PRKAR1A: variants seen among roughly 807,000 people sequenced by gnomAD.
PRKAR1A encodes cAMP-dependent protein kinase type I-alpha regulatory subunit.
Under a neutral mutation model 52.0 loss-of-function variants are expected in PRKAR1A, and 3 were observed. The observed-to-expected ratio is 0.06, with a 90% CI of 0.03 to 0.15. The LOEUF (loss-of-function observed/expected upper bound fraction) is 0.15. PRKAR1A is among the 10% of genes least tolerant of loss of function. PRKAR1A has a pLI of 1.00. For synonymous variants in PRKAR1A, 188 were observed against 168.4 expected (o/e 1.12, Z -0.90); for missense variants, 240 against 477.4 (o/e 0.50, Z 4.63).
chr17:68,423,352 T>C, the PRKAR1A span, among the ~76,000 whole-genome samples: 9 of 152,286 alleles, frequency 5.9e-5, no homozygotes, highest in African/African-American at 2.2e-4. The surrounding 1 kb of genome is among the most constrained non-coding windows in gnomAD (Gnocchi z 4.4). Flanking sequence ...GGTCCTTACA[T>C]GGTGAGATGG....
At chr17:68,522,129 A>G (rs1322858643) in intron 2 of PRKAR1A, among the ~76,000 whole-genome samples, 1 of 152,242 alleles carries the variant, frequency 6.6e-6, no homozygotes, top group Admixed American at 6.5e-5. Flanking sequence ...TTACCATCAC[A>G]TCATTTCATT....
chr17:68,523,013 T>TA, intron 3 of PRKAR1A, 87 bp downstream of exon 3: 2 of 1,517,846 alleles, frequency 1.3e-6, no homozygotes, highest in Non-Finnish European at 1.8e-6. Flanking sequence ...AATCATAAAA[T>TA]ACAAAACAGG....
At chr17:68,537,472 A>T (rs374740151), downstream of PRKAR1A, 28 of 1,614,074 alleles carry the variant, frequency 1.7e-5, no homozygotes, top group Non-Finnish European at 2.3e-5. This position sits in a 1 kb window ranked among gnomAD's most constrained non-coding sequence, Gnocchi z 4.2. Flanking sequence ...GGACTCTGCC[A>T]GCCCTTAGCT....
chr17:68,523,051 C>A, intron 3 of PRKAR1A, 125 bp downstream of exon 3: 5 of 1,176,966 alleles, frequency 4.2e-6, no homozygotes, highest in Non-Finnish European at 4.8e-6. Context: ...CTGTACAATT[C>A]TTGGGTACTG....
At chr17:68,467,788 G>A in the PRKAR1A span, among the ~76,000 whole-genome samples, 3 of 152,142 alleles carry the variant, frequency 2.0e-5, no homozygotes, top group Admixed American at 2.0e-4. Context: ...TATACCACCA[G>A]CTCTTTAGGT....
chr17:68,541,749 A>G, intron 11 of PRKAR1A: 1 of 469,244 alleles, frequency 2.1e-6, no homozygotes, highest in Non-Finnish European at 3.8e-6. Context: ...TGAGTCTTCC[A>G]TTTCTGTATC....
the PRKAR1A span, among the ~76,000 whole-genome samples, chr17:68,449,258 T>A: frequency 2.0e-5 from 3 of 152,218 alleles, no homozygotes; most frequent in Non-Finnish European, 4.4e-5. Flanking sequence ...AAACAGATAT[T>A]TATGAGCACG....
the PRKAR1A span, among the ~76,000 whole-genome samples, chr17:68,482,515 A>G: frequency 1.3e-5 from 2 of 152,236 alleles, no homozygotes; most frequent in Non-Finnish European, 2.9e-5. Flanking sequence ...CAAGAGGAAA[A>G]AAATAAATAT....
chr17:68,534,366 G>A (rs1175730702), downstream of PRKAR1A, among the ~76,000 whole-genome samples: 1 of 152,066 alleles, frequency 6.6e-6, no homozygotes, highest in East Asian at 1.9e-4. Flanking sequence ...CATGGATTCT[G>A]TATTTGTAAT....
chr17:68,472,277 C>T, the PRKAR1A span, among the ~76,000 whole-genome samples: 2 of 152,176 alleles, frequency 1.3e-5, no homozygotes, highest in African/African-American at 4.8e-5. Flanking sequence ...GCCTCTATGA[C>T]TCTCGAAGCT....
At chr17:68,501,375 T>A in the PRKAR1A span, among the ~76,000 whole-genome samples, 3 of 152,236 alleles carry the variant, frequency 2.0e-5, no homozygotes, top group African/African-American at 7.2e-5. Flanking sequence ...CACTTCTCTC[T>A]CAATAGCCTG....
At chr17:68,537,343 G>A, downstream of PRKAR1A, 9 of 1,158,776 alleles carry the variant, frequency 7.8e-6, no homozygotes, top group Non-Finnish European at 1.1e-5. The surrounding 1 kb of genome is among the most constrained non-coding windows in gnomAD (Gnocchi z 4.2). Context: ...CTTGCTGTTT[G>A]AGAAAATGTC....
Position 68,522,388 on chromosome 17 carries a change from A to G in PRKAR1A, c.178-368A>G, listed in dbSNP as rs148586854. Among the ~76,000 whole-genome samples the G allele has an allele frequency of 1.4e-3, 215 of 152,324 alleles. 1 individual carries two copies. Among genetic ancestry groups the G allele is most frequent in the African/African-American group, 5.2e-3 (215 of 41,578 alleles). ...CTTGCTATCTGCAGTAGCATCCAAA[A>G]AAACCCAATTTTCAGGATTTTGTCT... On this transcript the variant is annotated intron_variant, in intron 2 of 10. Coordinates refer to ENST00000589228, the MANE Select transcript of PRKAR1A (RefSeq NM_002734.5).
the PRKAR1A span, chr17:68,421,737 A>G: frequency 6.2e-7 from 1 of 1,611,626 alleles, no homozygotes; most frequent in Non-Finnish European, 8.5e-7. Flanking sequence ...ACCACCTGAT[A>G]GGGGGGATGT....
downstream of PRKAR1A, chr17:68,537,699 T>C: frequency 1.2e-6 from 2 of 1,613,628 alleles, no homozygotes; most frequent in Non-Finnish European, 1.7e-6. This position sits in a 1 kb window ranked among gnomAD's most constrained non-coding sequence, Gnocchi z 4.2. Context: ...TGTAGTCAGC[T>C]TGGGCCAGCA....
chr17:68,512,121 C>G (rs1386751418), upstream of PRKAR1A: 2 of 153,966 alleles, frequency 1.3e-5, no homozygotes, highest in African/African-American at 4.8e-5. Flanking sequence ...AAAGGCGACC[C>G]AAGACACCCA....
At chr17:68,433,762 T>TGTTG in the PRKAR1A span, among the ~76,000 whole-genome samples, 1 of 12,520 alleles carries the variant, frequency 8.0e-5, no homozygotes, top group East Asian at 8.7e-4. Flanking sequence ...GGGTCATAGT[T>TGTTG]TTTTTTTTTT....
the PRKAR1A span, among the ~76,000 whole-genome samples, chr17:68,479,157 C>T: frequency 2.0e-5 from 3 of 152,220 alleles, no homozygotes; most frequent in Admixed American, 6.5e-5. Context: ...ATACTTTTCA[C>T]ATTGGTAATT....
intron 2 of PRKAR1A, among the ~76,000 whole-genome samples, chr17:68,520,193 C>T (rs571577976): frequency 1.3e-5 from 2 of 152,334 alleles, no homozygotes; most frequent in South Asian, 4.1e-4. Context: ...CATGGTATGG[C>T]ATGTCCACTT....
Sources: allele counts gnomAD v4.1 joint callset (sites outside exome capture counted in the v4.1 genomes callset), GRCh38; gene constraint gnomAD v4.1.1; non-coding constraint Gnocchi (gnomAD v3.1); transcripts MANE v1.5; gene names NCBI Gene and HGNC (gene_info 2026-07-23, HGNC 2026-07-21).